Variants in KDM2B observed in about 807,000 individuals in gnomAD.
The protein encoded by KDM2B is lysine demethylase 2B, also known as lysine-specific demethylase 2B.
In KDM2B, 26 loss-of-function variants were observed where a neutral mutation model predicts 150.0. That is an observed-to-expected ratio of 0.17 (90% CI 0.13 to 0.24). The LOEUF (loss-of-function observed/expected upper bound fraction) is 0.24, where lower values mean the gene tolerates loss of function less well. Among genes scored for constraint, KDM2B ranks in the 10% least tolerant of loss-of-function variants. The pLI, the probability that KDM2B is intolerant of heterozygous loss-of-function variation, is 1.00. For missense variants in KDM2B, 1,265 were observed against 1,816.9 expected (o/e 0.70, Z 5.52); for synonymous variants, 734 against 729.5 (o/e 1.01, Z -0.10).
At chr12:121,494,553 C>T (rs1555300526) in intron 12 of KDM2B, 26 bp downstream of exon 12, 1 of 1,594,580 alleles carries the variant, frequency 6.3e-7, no homozygotes, top group Admixed American at 1.7e-5. Flanking sequence ...GAAGCGGCCG[C>T]CCGCTGCAGG....
In KDM2B at chr12:121,440,609, C is replaced by T. The variant is rs1328141119; in HGVS notation, c.3610+207G>A. 37 of 549,974 alleles carry T rather than the reference C, an allele frequency of 6.7e-5. No homozygotes were observed. In the East Asian group the frequency reaches 8.5e-4, roughly 13 times the overall value. The allele number at this position is 549,974 out of a possible 1,614,324, so 34.1% of individuals were successfully genotyped here. The stretch of plus-strand genomic sequence containing the variant: ...CAACAGGAAAGCAGAGAGACGCACG[C>T]GGAGCCCCAGGAGCGAGTCTCACGT... On this transcript the variant is annotated intron_variant, in intron 21 of 22. Transcript: ENST00000377071.
intron 12 of KDM2B, among the ~76,000 whole-genome samples, chr12:121,477,470 A>AGGG (rs1881508541): frequency 6.6e-6 from 1 of 152,012 alleles, no homozygotes. Context: ...TACACCCTCC[A>AGGG]ACTCCTGAGC....
chr12:121,477,238 T>C (rs1219149381), intron 12 of KDM2B, among the ~76,000 whole-genome samples: 1 of 151,930 alleles, frequency 6.6e-6, no homozygotes, highest in African/African-American at 2.4e-5. Context: ...ACCAGGCTAA[T>C]TTTTTTTATT....
rs377454429 is a variant in KDM2B at position 121,509,399 on chromosome 12, T to C, written c.1647+168A>G. Among the ~76,000 whole-genome samples, 6 of 151,854 alleles carry C rather than the reference T, an allele frequency of 4.0e-5. No homozygotes were observed. In the South Asian group the frequency reaches 1.2e-3, roughly 32 times the overall value. ...AATGATGGCCTCTGCTTGGACACCCTACATAGGCTTTTGTGGACTGAGACC... is the reference window on the plus strand; with the variant it reads ...AATGATGGCCTCTGCTTGGACACCCCACATAGGCTTTTGTGGACTGAGACC... On this transcript the variant is annotated intron_variant, in intron 11 of 22. Transcript: ENST00000377071.
At chr12:121,506,968 G>A (rs1555303043) in intron 11 of KDM2B, among the ~76,000 whole-genome samples, 2 of 150,968 alleles carry the variant, frequency 1.3e-5, no homozygotes, top group East Asian at 1.9e-4. Flanking sequence ...GAGGTGGCGG[G>A]CACCTGTAGT....
chr12:121,551,543 G>A (rs927396294), intron 4 of KDM2B, among the ~76,000 whole-genome samples: 1 of 151,590 alleles, frequency 6.6e-6, no homozygotes, highest in Non-Finnish European at 1.5e-5. Flanking sequence ...CAGGGTTTTG[G>A]TTTTCTTTGT....
At chr12:121,445,138 G>A in intron 14 of KDM2B, 137 bp downstream of exon 14, 3 of 1,036,832 alleles carry the variant, frequency 2.9e-6, no homozygotes, top group Non-Finnish European at 4.2e-6. Context: ...CTTATCCCTT[G>A]ACACACAGGA....
At chr12:121,441,394 C>CAGGAT in intron 19 of KDM2B, 161 bp from the exon 20 acceptor site, 1 of 616,828 alleles carries the variant, frequency 1.6e-6, no homozygotes, top group Non-Finnish European at 2.8e-6. Flanking sequence ...CCCACGCGGG[C>CAGGAT]ACCTCCCACC....
intron 10 of KDM2B, among the ~76,000 whole-genome samples, 153 bp from the exon 11 acceptor site, chr12:121,510,192 G>A (rs963020057): frequency 5.3e-5 from 8 of 152,220 alleles, no homozygotes; most frequent in African/African-American, 1.7e-4. Flanking sequence ...TGGAAAGGCC[G>A]TGGGGGACGC....
At chr12:121,551,481 G>C (rs1555311787) in intron 4 of KDM2B, among the ~76,000 whole-genome samples, 1 of 151,782 alleles carries the variant, frequency 6.6e-6, no homozygotes. Flanking sequence ...GAATAGCTGG[G>C]ACTACAGGGC....
At chr12:121,536,543 A>AG (rs1224029235) in intron 6 of KDM2B, among the ~76,000 whole-genome samples, 9 of 152,088 alleles carry the variant, frequency 5.9e-5, no homozygotes, top group South Asian at 2.1e-4. Flanking sequence ...CTCTAAGGAA[A>AG]GGGGGGGTCC....
Position 121,467,610 on chromosome 12 carries a change from C to CGCCCG in KDM2B, c.1735-14271_1735-14267dup, listed in dbSNP as rs1880246370. 1.3e-5 allele frequency: 2 copies of CGCCCG among 149,628 alleles called. No homozygotes were observed. The highest frequency in any genetic ancestry group is 3.0e-5 in the Non-Finnish European group (2 of 67,272). 9.3% of individuals were successfully genotyped at this position (149,628 alleles called of 1,614,324 possible). ...CTGCGTGGGGGCGTGCCCCGCGCCC[C>CGCCCG]GCCCGGCCCGGCCTGGCCCGCGCGC... On this transcript the variant is annotated intron_variant, in intron 12 of 22. Coordinates refer to ENST00000377071, the MANE Select transcript of KDM2B (RefSeq NM_032590.5). This position sits in a 1 kb window ranked among gnomAD's most constrained non-coding sequence, Gnocchi z 5.1.
At chr12:121,416,213 G>A in the KDM2B span, 8 of 1,614,114 alleles carry the variant, frequency 5.0e-6, no homozygotes, top group African/African-American at 1.3e-5. Context: ...TGAAGTCATG[G>A]GAACTGGAGC....
chr12:121,539,233 T>G (rs1354799430), intron 6 of KDM2B, among the ~76,000 whole-genome samples: 1 of 138,730 alleles, frequency 7.2e-6, no homozygotes, highest in East Asian at 2.2e-4. Context: ...CCAGGGAGGC[T>G]GGGGTGGGAG....
At chr12:121,531,266 T>C (rs1372835662) in intron 8 of KDM2B, among the ~76,000 whole-genome samples, 1 of 152,170 alleles carries the variant, frequency 6.6e-6, no homozygotes, top group Non-Finnish European at 1.5e-5. Flanking sequence ...ATCCCCGCAC[T>C]AAACCCTGCT....
At chr12:121,481,182 C>T (rs1882090685) in intron 12 of KDM2B, among the ~76,000 whole-genome samples, 2 of 152,132 alleles carry the variant, frequency 1.3e-5, no homozygotes, top group Non-Finnish European at 2.9e-5. Flanking sequence ...CCACCCGCCT[C>T]AGCCTCCCAA....
intron 12 of KDM2B, among the ~76,000 whole-genome samples, chr12:121,493,554 T>G (rs1281595430): frequency 1.3e-5 from 2 of 152,156 alleles, no homozygotes; most frequent in African/African-American, 4.8e-5. Flanking sequence ...CAAAACTGTT[T>G]TCTCTGGATG....
intron 9 of KDM2B, among the ~76,000 whole-genome samples, chr12:121,514,068 G>A (rs987935995): frequency 1.1e-4 from 16 of 152,134 alleles, no homozygotes; most frequent in East Asian, 5.8e-4. Flanking sequence ...GAGGTCCCAG[G>A]TATGACCTGA....
intron 12 of KDM2B, among the ~76,000 whole-genome samples, chr12:121,466,793 G>A (rs1168016698): frequency 6.8e-6 from 1 of 146,418 alleles, no homozygotes; most frequent in African/African-American, 2.4e-5. Flanking sequence ...GTGGGCCGCG[G>A]GCGAGGGCGC....
Sources: allele counts gnomAD v4.1 joint callset (sites outside exome capture counted in the v4.1 genomes callset), GRCh38; gene constraint gnomAD v4.1.1; non-coding constraint Gnocchi (gnomAD v3.1); transcripts MANE v1.5; gene names NCBI Gene and HGNC (gene_info 2026-07-23, HGNC 2026-07-21).